The following MROH9 variants were observed in gnomAD, a reference collection of about 807,000 sequenced individuals.
The protein encoded by MROH9 is maestro heat-like repeat-containing protein family member 9.
Under a neutral mutation model 98.2 loss-of-function variants are expected in MROH9, and 92 were observed. The observed-to-expected ratio is 0.94, with a 90% confidence interval of 0.79 to 1.11. The LOEUF (loss-of-function observed/expected upper bound fraction) is 1.11, where lower values mean the gene tolerates loss of function less well. Ranked by LOEUF, MROH9 falls within the 50% of genes most tolerant of loss-of-function variation. The probability of loss-of-function intolerance (pLI) is 0.00; values close to 1 mark genes in which losing one functional copy is unlikely to be tolerated. For missense variants in MROH9, 1,057 were observed against 1,014.8 expected (o/e 1.04, Z -0.57); for synonymous variants, 397 against 368.9 (o/e 1.08, Z -0.87).
intron 7 of MROH9, among the ~76,000 whole-genome samples, chr1:170,968,717 C>T (rs1330568060): frequency 6.6e-6 from 1 of 151,860 alleles, no homozygotes; most frequent in Non-Finnish European, 1.5e-5. Context: ...CACTGCAGTC[C>T]AGCCTGGGTG....
intron 20 of MROH9, among the ~76,000 whole-genome samples, chr1:171,040,027 G>A (rs1920143): frequency 0.75 from 113,977 of 151,944 alleles, 43,167 homozygotes; most frequent in Middle Eastern, 0.84. Context: ...AACATAGATG[G>A]TCCCTCCTGA....
intron 10 of MROH9, among the ~76,000 whole-genome samples, chr1:170,988,275 A>G (rs1364935984): frequency 6.6e-6 from 1 of 152,162 alleles, no homozygotes; most frequent in Non-Finnish European, 1.5e-5. Context: ...GTGACTGAAA[A>G]TAATCTGAGA....
chr1:170,971,962 C>T, intron 8 of MROH9, 79 bp downstream of exon 8: 1 of 1,430,042 alleles, frequency 7.0e-7, no homozygotes, highest in Admixed American at 1.9e-5. Context: ...CCTGGGAAGG[C>T]TCTACGTCTG....
At chr1:170,975,059 A>C (rs1650626222) in intron 8 of MROH9, among the ~76,000 whole-genome samples, 1 of 152,046 alleles carries the variant, frequency 6.6e-6, no homozygotes, top group Non-Finnish European at 1.5e-5. Context: ...AAATGAGGCA[A>C]AAAAGAATAG....
chr1:171,000,508 T>C (rs1651750388), intron 15 of MROH9, among the ~76,000 whole-genome samples: 2 of 152,180 alleles, frequency 1.3e-5, no homozygotes, highest in Non-Finnish European at 2.9e-5. Flanking sequence ...ATGTGATTTT[T>C]GTTTTTAGCT....
chr1:170,945,823 A>C (rs892695773), intron 2 of MROH9, among the ~76,000 whole-genome samples: 1 of 152,116 alleles, frequency 6.6e-6, no homozygotes, highest in Non-Finnish European at 1.5e-5. Flanking sequence ...CAATGCAAAA[A>C]ATTAGAAACT....
rs1244558536 is a variant in MROH9, at chr1:171,064,108, G to A, written c.2354G>A (p.Arg785Gln). The A allele has an allele frequency of 5.2e-6, 8 of 1,535,832 alleles. No homozygotes were observed. The highest frequency in any genetic ancestry group is 2.8e-5 in the African/African-American group (2 of 71,630). Residue 785 changes from arginine (R) to glutamine (Q), a missense_variant, in exon 22 of 22, where the codon CGA (arginine) becomes CAA (glutamine). Physicochemically the swap from Arg to Gln is conservative, Grantham distance 43. Coordinates refer to ENST00000367759, the MANE Select transcript of MROH9 (RefSeq NM_001163629.2). ...EIEVMLDVIE[R>Q]LLRDEDPMIK... is the part of the protein sequence containing the mutation. ...TCTTCTGATATTACAGTTATTGAAC[G>A]ACTGCTCCGAGATGAAGACCCTATG...
intron 20 of MROH9, among the ~76,000 whole-genome samples, chr1:171,055,618 TAAAAAAAAAAAAAA>T (rs1204544479): frequency 1.3e-5 from 1 of 78,252 alleles, no homozygotes; most frequent in Non-Finnish European, 2.8e-5. Flanking sequence ...TGAGACTTCA[TAAAAAAAAAAAAAA>T]AAAAAAAAAG....
In MROH9 at chr1:170,982,825, G is replaced by C. The variant is rs140020563; in HGVS notation, c.617-597G>C. Among the ~76,000 whole-genome samples the C allele has an allele frequency of 2.8e-3, 419 of 152,302 alleles. 1 individual carries two copies. Among genetic ancestry groups the C allele is most frequent in the African/African-American group, 9.6e-3 (397 of 41,564 alleles). On this transcript the variant is annotated intron_variant, in intron 8 of 21. Transcript: ENST00000367759. ...TGAGAAGATCAGTTGAGCCCAGGAA[G>C]TCAAGGCTGCAGTGAACCCTGTTTG...
chr1:170,948,881 G>T (rs963525078), intron 3 of MROH9, among the ~76,000 whole-genome samples: 1 of 152,038 alleles, frequency 6.6e-6, no homozygotes, highest in African/African-American at 2.4e-5. Context: ...AGCAACATAC[G>T]TTTGTAGAAT....
chr1:170,989,896 T>C lies in MROH9; in HGVS notation c.921T>C (p.Asp307=), dbSNP rs1404204753. ...IVDAIYRQLC[D]NNCMKDVMLQ... is the part of the protein sequence containing the mutation. The stretch of plus-strand genomic sequence containing the variant: ...ATGCTATTTACAGGCAACTGTGTGA[T>C]AACAATTGTATGAAGGATGTTATGT... Residue 307 remains aspartate (D), a synonymous_variant, in exon 11 of 22, where the codon GAT becomes GAC. Coordinates refer to ENST00000367759, the MANE Select transcript of MROH9 (RefSeq NM_001163629.2). The C allele has an allele frequency of 6.2e-7, 1 of 1,611,714 alleles. No homozygotes were observed. Among genetic ancestry groups the C allele is most frequent in the Admixed American group, 1.7e-5 (1 of 59,910 alleles).
chr1:171,052,156 G>C (rs1653690012), intron 20 of MROH9, among the ~76,000 whole-genome samples: 3 of 152,146 alleles, frequency 2.0e-5, no homozygotes, highest in African/African-American at 7.2e-5. Context: ...ATTTCTTCTA[G>C]ATTTCATAGT....
intron 8 of MROH9, among the ~76,000 whole-genome samples, chr1:170,976,781 T>C (rs1177717322): frequency 6.6e-6 from 1 of 152,196 alleles, no homozygotes; most frequent in Non-Finnish European, 1.5e-5. Context: ...TTGACCTGTC[T>C]AGCAAGGTTG....
chr1:170,984,135 T>C (rs61816051), intron 9 of MROH9, among the ~76,000 whole-genome samples: 12,652 of 152,184 alleles, frequency 0.083, 654 homozygotes, highest in Non-Finnish European at 0.11. Context: ...TTGCACAGCA[T>C]TGGGGCCCAG....
intron 12 of MROH9, among the ~76,000 whole-genome samples, chr1:170,992,632 C>T (rs1047599742): frequency 4.6e-5 from 7 of 152,124 alleles, no homozygotes; most frequent in Non-Finnish European, 1.0e-4. Context: ...GTAAGTTGGT[C>T]AGGGCAGGCC....
In MROH9 at chr1:170,974,543, T is replaced by A. The variant is rs552521447; in HGVS notation, c.616+2660T>A. The stretch of plus-strand genomic sequence containing the variant: ...ATACAGAAAAGAAAAAAAAAGTCAA[T>A]CTAGAATCCTTAAACCAGTAGAAAT... On this transcript the variant is annotated intron_variant, in intron 8 of 21. Transcript: ENST00000367759. Among the ~76,000 whole-genome samples the A allele has an allele frequency of 3.3e-5, 5 of 151,892 alleles. No homozygotes were observed. The East Asian group carries it at 7.7e-4, about 24-fold the overall frequency.
chr1:170,967,931 CCTT>C (rs1650296613), intron 7 of MROH9, among the ~76,000 whole-genome samples: 1 of 152,104 alleles, frequency 6.6e-6, no homozygotes, highest in Non-Finnish European at 1.5e-5. Flanking sequence ...GTATATATCT[CCTT>C]CTCCTCCAGA....
At chr1:171,023,930 G>A (rs867781095) in intron 17 of MROH9, among the ~76,000 whole-genome samples, 1 of 152,030 alleles carries the variant, frequency 6.6e-6, no homozygotes, top group African/African-American at 2.4e-5. Flanking sequence ...TCAGCTGCTG[G>A]CAACCTAGGC....
At chr1:170,941,381 C>T (rs6687084) in intron 1 of MROH9, among the ~76,000 whole-genome samples, 14,714 of 152,026 alleles carry the variant, frequency 0.097, 1,141 homozygotes, top group African/African-American at 0.21. Flanking sequence ...TGGGAAATGA[C>T]TGAGGGATCA....
Sources: allele counts gnomAD v4.1 joint callset (sites outside exome capture counted in the v4.1 genomes callset), GRCh38; gene constraint gnomAD v4.1.1; transcripts MANE v1.5; gene names NCBI Gene and HGNC (gene_info 2026-07-23, HGNC 2026-07-21).